Variants in WDR44 observed in about 807,000 individuals in gnomAD.
The protein encoded by WDR44 is WD repeat-containing protein 44.
In WDR44, 9 loss-of-function variants were observed where a neutral mutation model predicts 65.7. The ratio of observed to expected loss-of-function variants is 0.14; its 90% CI spans 0.08 to 0.24. WDR44 has a LOEUF of 0.24. Among genes scored for constraint, WDR44 ranks in the 10% least tolerant of loss-of-function variants. The pLI is 1.00. For synonymous variants in WDR44, 220 were observed against 235.2 expected, an observed-to-expected ratio of 0.94 and a Z score of 0.59; for missense variants, 425 against 670.9, an observed-to-expected ratio of 0.63 and a Z score of 4.05.
rs1490943414 is a variant in WDR44, at chrX:118,441,511, T to A, written c.2118T>A (p.Tyr706Ter). 8.3e-7 allele frequency: 1 copy of A among 1,209,714 alleles called. No homozygotes were observed. Among genetic ancestry groups the A allele is most frequent in the Non-Finnish European group, 1.1e-6 (1 of 894,969 alleles). The change falls in exon 15 of 20, where the codon TAT becomes TAA. Residue 706 changes from tyrosine (Y) to a stop codon, truncating the protein, a stop_gained. Coordinates refer to ENST00000254029, the MANE Select transcript of WDR44 (RefSeq NM_019045.5). LOFTEE classifies it high-confidence loss of function. ...CAAATTTCTGTCAGAATGGCAAATA[T>A]GCAGTGATTGGGACATATGATGGCA... ...TAANFCQNGK[Y>*]AVIGTYDGRC...
intron 2 of WDR44, among the ~76,000 whole-genome samples, chrX:118,384,790 T>C (rs770596617): frequency 1.1e-4 from 12 of 112,121 alleles, no homozygotes; most frequent in African/African-American, 3.9e-4. Context: ...TTTAACGATA[T>C]TGATTCTTCC....
rs950541798 is a variant in WDR44 at position 118,356,425 on chromosome X, A to C, written c.77+9845A>C. Among the ~76,000 whole-genome samples the C allele has an allele frequency of 3.6e-5, 4 of 110,872 alleles. No individual in the cohort carries two copies. In the East Asian group the frequency reaches 1.1e-3, roughly 31 times the overall value. ...TACAATTGTTTTATAGATTGTTGTC[A>C]GTTGCTTAGTTAGGCCACAGTACTG... On this transcript the variant is annotated intron_variant, in intron 1 of 19. Transcript: ENST00000254029.
At chrX:118,437,770 G>A (rs936056121) in intron 14 of WDR44, among the ~76,000 whole-genome samples, 4 of 111,827 alleles carry the variant, frequency 3.6e-5, no homozygotes, top group African/African-American at 1.3e-4. Context: ...AGGCGCGGTG[G>A]CTCACACCTG....
intron 1 of WDR44, among the ~76,000 whole-genome samples, chrX:118,376,736 G>T (rs1053464424): frequency 4.5e-5 from 5 of 111,444 alleles, no homozygotes; most frequent in African/African-American, 1.6e-4. Flanking sequence ...GGGTGCGGTG[G>T]CTCCCTCCTG....
chrX:118,391,828 A>G (rs6646185), intron 3 of WDR44, among the ~76,000 whole-genome samples: 7,942 of 111,042 alleles, frequency 0.072, 476 homozygotes, highest in East Asian at 0.25. Flanking sequence ...TACTAAAAAT[A>G]CAAAAATTAT....
intron 3 of WDR44, among the ~76,000 whole-genome samples, chrX:118,390,237 CA>C (rs1201909767): frequency 1.8e-5 from 2 of 110,717 alleles, no homozygotes; most frequent in African/African-American, 6.6e-5. Context: ...GAGCTTTTTG[CA>C]GCAAACAATG....
intron 12 of WDR44, among the ~76,000 whole-genome samples, chrX:118,418,906 C>T (rs2057079338): frequency 9.1e-6 from 1 of 110,473 alleles, no homozygotes; most frequent in Non-Finnish European, 1.9e-5. Context: ...AATGAAGTTG[C>T]GTACCTAGGA....
chrX:118,387,318 ATTTCT>A lies in WDR44; in HGVS notation c.112-13_112-9del, dbSNP rs756400517. Reference sequence around the variant, plus strand: ...GAAAAGATGTCATCATTTGGTCTCTATTTCTTTTCTTTTTCAAACAGGAAACAGAG... The same window carrying A: ...GAAAAGATGTCATCATTTGGTCTCTATTTCTTTTTCAAACAGGAAACAGAG... On this transcript the variant is annotated splice_polypyrimidine_tract_variant and intron_variant, in intron 2 of 19. Coordinates refer to ENST00000254029, the MANE Select transcript of WDR44 (RefSeq NM_019045.5). The A allele has an allele frequency of 3.6e-6, 4 of 1,123,673 alleles. No individual in the cohort carries two copies. In the South Asian group the frequency reaches 8.1e-5, roughly 23 times the overall value. The allele number at this position is 1,123,673 out of a possible 1,213,427, so 92.6% of individuals were successfully genotyped here.
intron 19 of WDR44, among the ~76,000 whole-genome samples, chrX:118,446,563 A>G (rs1488245063): frequency 8.9e-6 from 1 of 112,096 alleles, no homozygotes; most frequent in African/African-American, 3.2e-5. Flanking sequence ...AAGTATTTGA[A>G]TGGTAAAAAG....
chrX:118,379,043 CA>C (rs111960903), intron 2 of WDR44, among the ~76,000 whole-genome samples: 15 of 97,880 alleles, frequency 1.5e-4, no homozygotes, highest in Middle Eastern at 5.0e-3. Context: ...GACTCCACCT[CA>C]AAAAAAAAAG....
At chrX:118,378,357 A>G (rs2056680962) in intron 1 of WDR44, 62 bp from the exon 2 acceptor site, 1 of 928,516 alleles carries the variant, frequency 1.1e-6, no homozygotes, top group African/African-American at 2.0e-5. Context: ...TAGTAAGTGT[A>G]TAGAAGTATT....
At chrX:118,432,953 G>C (rs757221043) in intron 13 of WDR44, 59 bp downstream of exon 13, 37 of 1,031,772 alleles carry the variant, frequency 3.6e-5, no homozygotes, top group Non-Finnish European at 4.7e-5. Context: ...TGATGCTGTA[G>C]TCTTAAAGCA....
intron 14 of WDR44, 130 bp from the exon 15 acceptor site, chrX:118,441,238 C>T: frequency 3.5e-6 from 2 of 575,750 alleles, no homozygotes; most frequent in Non-Finnish European, 2.7e-6. Context: ...GGATTATAGG[C>T]GTGAGCCACC....
At chrX:118,445,987 G>A (rs751073802) in intron 19 of WDR44, among the ~76,000 whole-genome samples, 5 of 101,874 alleles carry the variant, frequency 4.9e-5, no homozygotes, top group African/African-American at 1.1e-4. Flanking sequence ...CCGAGATCAC[G>A]CCACTGCACT....
chrX:118,366,913 G>A (rs985148770), intron 1 of WDR44, among the ~76,000 whole-genome samples: 1 of 111,172 alleles, frequency 9.0e-6, no homozygotes, highest in Admixed American at 9.6e-5. Context: ...GTGAAACCCC[G>A]TCTCTACTAA....
intron 8 of WDR44, among the ~76,000 whole-genome samples, chrX:118,400,430 A>G (rs1417955495): frequency 2.7e-5 from 3 of 111,929 alleles, no homozygotes; most frequent in Non-Finnish European, 5.6e-5. Context: ...GCATAAAAGT[A>G]GATACTTTAG....
At chrX:118,364,137 T>G (rs757895713) in intron 1 of WDR44, among the ~76,000 whole-genome samples, 4 of 112,742 alleles carry the variant, frequency 3.5e-5, no homozygotes, top group African/African-American at 1.3e-4. Context: ...TTTCCTTGAT[T>G]AATTTTTAAA....
intron 12 of WDR44, among the ~76,000 whole-genome samples, chrX:118,417,580 C>T (rs2057067857): frequency 8.9e-6 from 1 of 111,778 alleles, no homozygotes; most frequent in Non-Finnish European, 1.9e-5. Flanking sequence ...TTCCTTTATA[C>T]GTTACCTGGT....
At chrX:118,398,825 G>C (rs1246240934) in intron 8 of WDR44, among the ~76,000 whole-genome samples, 1 of 111,331 alleles carries the variant, frequency 9.0e-6, no homozygotes, top group Non-Finnish European at 1.9e-5. Context: ...TACTTGGGAG[G>C]CTGAGGCAGG....
Sources: gnomAD v4.1 joint callset for allele counts (sites outside exome capture counted in the v4.1 genomes callset) on GRCh38, gnomAD v4.1.1 for gene constraint, MANE v1.5 for transcripts, NCBI Gene and HGNC (gene_info 2026-07-23, HGNC 2026-07-21) for gene names.